The following HSPA9 variants were observed in gnomAD, a reference collection of about 807,000 sequenced individuals.
HSPA9 encodes heat shock protein family A (Hsp70) member 9.
A neutral mutation model predicts 81.5 loss-of-function variants in HSPA9; 28 were observed. The observed-to-expected ratio is 0.34, with a 90% CI of 0.25 to 0.47. HSPA9 has a LOEUF of 0.47. Among genes scored for constraint, HSPA9 ranks in the 20% least tolerant of loss-of-function variants. The pLI, the probability that HSPA9 is intolerant of heterozygous loss-of-function variation, is 1.00. For synonymous variants in HSPA9, 293 were observed against 290.4 expected, an observed-to-expected ratio of 1.01 and a Z score of -0.09; for missense variants, 678 against 838.0, an observed-to-expected ratio of 0.81 and a Z score of 2.36.
Position 138,573,745 on chromosome 5 carries a change from G to A in HSPA9, c.228+18C>T, listed in dbSNP as rs749477087. 6.7e-7 allele frequency: 1 copy of A among 1,484,974 alleles called. No homozygotes were observed. Among genetic ancestry groups the A allele is most frequent in the Admixed American group, 1.7e-5 (1 of 58,200 alleles). The allele number at this position is 1,484,974 out of a possible 1,614,324, so 92.0% of individuals were successfully genotyped here. On this transcript the variant is annotated intron_variant, in intron 3 of 16. Transcript: ENST00000297185. Reference sequence around the variant, plus strand: ...TGGACAGATTCTGGATAAGGTACTAGTTATCAATCATGCTCACCTTTGCTT... The same window carrying A: ...TGGACAGATTCTGGATAAGGTACTAATTATCAATCATGCTCACCTTTGCTT...
rs71574426 is a variant in HSPA9 at position 138,567,179 on chromosome 5, G to GA, written c.717-17dup. The GA allele has an allele frequency of 2.6e-3, 3,809 of 1,479,808 alleles. No individual in the cohort carries two copies. Among genetic ancestry groups the GA allele is most frequent in the Non-Finnish European group, 3.2e-3 (3,395 of 1,077,280 alleles). The allele number at this position is 1,479,808 out of a possible 1,614,324, so 91.7% of individuals were successfully genotyped here. ...TACAGCAATGCTGTAAATGATTTGT[G>GA]AAAAAAAAAAGAAAAGAAATCCTTA... On this transcript the variant is annotated splice_polypyrimidine_tract_variant and intron_variant, in intron 7 of 16. Transcript: ENST00000297185.
rs201580482 is a variant in HSPA9, at chr5:138,573,767, G to C, written c.224C>G (p.Ala75Gly). 16 of 1,597,998 alleles carry C rather than the reference G, an allele frequency of 1.0e-5. No individual in the cohort carries two copies. The highest frequency in any genetic ancestry group is 1.2e-5 in the Non-Finnish European group (14 of 1,167,514). Residue 75 changes from alanine (A) to glycine (G), a missense_variant, in exon 3 of 17, where the codon GCA becomes GGA. This residue lies in a region of HSPA9 where 484 missense variants were observed against 647.5 expected (regional missense o/e 0.75). Transcript: ENST00000297185. ...SCVAVMEGKQAKVLENAEGAR... is the reference protein window; with the variant it reads ...SCVAVMEGKQGKVLENAEGAR... ...CTAGTTATCAATCATGCTCACCTTT[G>C]CTTGTTTACCTTCCATAACTGCCAC...
intron 5 of HSPA9, 78 bp downstream of exon 5, chr5:138,568,847 C>T: frequency 6.8e-7 from 1 of 1,476,164 alleles, no homozygotes; most frequent in Non-Finnish European, 9.5e-7. Context: ...TCTACAGGAG[C>T]TGGAGCACAG....
chr5:138,575,040 G>A (rs1026645007), intron 1 of HSPA9, 198 bp downstream of exon 1: 6 of 607,680 alleles, frequency 9.9e-6, no homozygotes. Context: ...GTGTGACTCA[G>A]CAGGGCCCAA....
Position 138,557,429 on chromosome 5 carries a change from T to G in HSPA9, c.1701A>C (p.Lys567Asn). Reference sequence around the variant, plus strand: ...TCTTTCGCCGGTCTTCTTCAGCATATTTCTCTGCATTTTTAACCATATTTT... The same window carrying G: ...TCTTTCGCCGGTCTTCTTCAGCATAGTTCTCTGCATTTTTAACCATATTTT... ...DIENMVKNAE[K>N]YAEEDRRKKE... Residue 567 changes from lysine (K) to asparagine (N), a missense_variant, in exon 14 of 17, where the codon AAA (lysine) becomes AAC (asparagine). Physicochemically the swap from Lys to Asn is moderately conservative, Grantham distance 94 (BLOSUM62 0). Coordinates refer to ENST00000297185, the MANE Select transcript of HSPA9 (RefSeq NM_004134.7). The G allele has an allele frequency of 6.2e-7, 1 of 1,610,298 alleles. No individual in the cohort carries two copies.
chr5:138,566,757 AGT>A, intron 8 of HSPA9, 39 bp from the exon 9 acceptor site: 1 of 1,468,408 alleles, frequency 6.8e-7, no homozygotes, highest in Non-Finnish European at 9.5e-7. Context: ...CACCAGCATT[AGT>A]GAGGTGATAA....
At chr5:138,564,245 A>G (rs1423860172) in intron 9 of HSPA9, among the ~76,000 whole-genome samples, 2 of 152,214 alleles carry the variant, frequency 1.3e-5, no homozygotes, top group Non-Finnish European at 2.9e-5. Context: ...CTGGGATTAC[A>G]GGCACCTGCA....
At position 138,556,548 on chromosome 5, in the gene HSPA9, C is replaced by T; in HGVS notation, c.1866G>A (p.Leu622=). Residue 622 remains leucine (L), a synonymous_variant, in exon 16 of 17, where the codon CTG becomes CTA. Coordinates refer to ENST00000297185, the MANE Select transcript of HSPA9 (RefSeq NM_004134.7). The part of the protein sequence containing the change: ...KEEISKMREL[L]ARKDSETGEN... ...CTCCTGTTTCGCTGTCTTTTCTAGC[C>T]AGGAGCTCCCTCATTTTGGAAATCT... The T allele has an allele frequency of 6.2e-7, 1 of 1,614,040 alleles. No homozygotes were observed.
chr5:138,559,379 A>G (rs2127153950), intron 11 of HSPA9, among the ~76,000 whole-genome samples: 1 of 152,330 alleles, frequency 6.6e-6, no homozygotes, highest in Admixed American at 6.5e-5. Context: ...CTGGGATTAC[A>G]GGCATGAGCC....
chr5:138,555,328 CAA>C lies in HSPA9; in HGVS notation c.*707_*708del, dbSNP rs1289868748. On this transcript the variant is annotated 3_prime_UTR_variant, in exon 17 of 17. Transcript: ENST00000297185. ...ATCTCAGGGCATCACCCCTCACAAACAAGAGATCAAGATGCTTTCTGTATTTA... is the reference window on the plus strand; with the variant it reads ...ATCTCAGGGCATCACCCCTCACAAACGAGATCAAGATGCTTTCTGTATTTA... 2 of 151,334 alleles carry C rather than the reference CAA, an allele frequency of 1.3e-5. No individual in the cohort carries two copies. Among genetic ancestry groups the C allele is most frequent in the Non-Finnish European group, 2.9e-5 (2 of 67,906 alleles). The allele number at this position is 151,334 out of a possible 1,614,324, so 9.4% of individuals were successfully genotyped here.
At chr5:138,559,041 A>T (rs958942880) in intron 11 of HSPA9, 3 of 222,156 alleles carry the variant, frequency 1.4e-5, no homozygotes, top group African/African-American at 6.8e-5. Context: ...TCACGGCACA[A>T]ATATACCAAC....
intron 3 of HSPA9, among the ~76,000 whole-genome samples, chr5:138,571,834 G>GTT (rs1410593306): frequency 6.7e-6 from 1 of 150,096 alleles, no homozygotes; most frequent in South Asian, 2.1e-4. Flanking sequence ...GTGTGTGTGT[G>GTT]TACTTTTAGT....
At chr5:138,569,119 C>A in intron 4 of HSPA9, 70 bp from the exon 5 acceptor site, 1 of 1,433,460 alleles carries the variant, frequency 7.0e-7, no homozygotes, top group South Asian at 1.2e-5. Flanking sequence ...TACCACATAC[C>A]ATGAACATCC....
rs543954226 is a variant in HSPA9, at chr5:138,556,083, G to T, written c.1994C>A (p.Ser665Tyr). 4.8e-5 allele frequency: 78 copies of T among 1,613,512 alleles called. No individual in the cohort carries two copies. Among genetic ancestry groups the T allele is most frequent in the Non-Finnish European group, 6.3e-5 (74 of 1,179,740 alleles). The change falls in exon 17 of 17, where the codon TCT becomes TAT. Residue 665 changes from serine (S) to tyrosine (Y), a missense_variant. By Grantham distance (144) the Ser-to-Tyr change is moderately radical. Coordinates refer to ENST00000297185, the MANE Select transcript of HSPA9 (RefSeq NM_004134.7). ...ATCTTCCTTTTGTTCCCCAGTGCCA[G>T]AACTTCCAGAGCCTTCTCGCTCAGA... is the stretch of plus-strand genomic sequence containing the variant. ...MASEREGSGS[S>Y]GTGEQKEDQK...
intron 13 of HSPA9, 56 bp from the exon 14 acceptor site, chr5:138,557,552 T>C (rs568318003): frequency 3.9e-6 from 4 of 1,028,642 alleles, no homozygotes; most frequent in African/African-American, 3.1e-5. Flanking sequence ...ATGCCTCTTC[T>C]TCCTCCATTG....
intron 1 of HSPA9, chr5:138,574,798 A>C (rs771249929): frequency 5.6e-6 from 1 of 180,106 alleles, no homozygotes; most frequent in Non-Finnish European, 1.2e-5. Context: ...AATGTTGCTA[A>C]GCACGAAAAC....
intron 9 of HSPA9, among the ~76,000 whole-genome samples, chr5:138,562,896 T>C (rs778021249): frequency 6.6e-6 from 1 of 152,238 alleles, no homozygotes; most frequent in Non-Finnish European, 1.5e-5. Flanking sequence ...CTGACTTGTA[T>C]GGCCATCACA....
At chr5:138,558,742 T>C in intron 11 of HSPA9, 85 bp from the exon 12 acceptor site, 1 of 859,794 alleles carries the variant, frequency 1.2e-6, no homozygotes, top group Non-Finnish European at 2.0e-6. Flanking sequence ...AAGGTTTACA[T>C]TCCAAGACTG....
intron 16 of HSPA9, 151 bp downstream of exon 16, chr5:138,556,300 CA>C: frequency 8.8e-7 from 1 of 1,139,316 alleles, no homozygotes. Flanking sequence ...ACTCCAATGC[CA>C]AAGTAGAGTC....
Sources: allele counts gnomAD v4.1 joint callset (sites outside exome capture counted in the v4.1 genomes callset), GRCh38; gene constraint gnomAD v4.1.1; regional missense constraint gnomAD v4.1.1; transcripts MANE v1.5; gene names NCBI Gene and HGNC (gene_info 2026-07-23, HGNC 2026-07-21).